The following PAPPA variants were observed in gnomAD, a reference collection of about 807,000 sequenced individuals.
PAPPA encodes the protein pappalysin 1.
A neutral mutation model predicts 164.0 loss-of-function variants in PAPPA; 60 were observed. The ratio of observed to expected loss-of-function variants is 0.37; its 90% CI spans 0.30 to 0.45. The LOEUF (loss-of-function observed/expected upper bound fraction) is 0.45. Ranked by LOEUF, PAPPA falls within the 20% of genes least tolerant of loss-of-function variation. The pLI, the probability that PAPPA is intolerant of heterozygous loss-of-function variation, is 1.00. For synonymous variants in PAPPA, 875 were observed against 814.1 expected (o/e 1.07, Z -1.27); for missense variants, 1,782 against 2,087.3 (o/e 0.85, Z 2.85).
chr9:116,164,802 G>A (rs1036906602), intron 1 of PAPPA, among the ~76,000 whole-genome samples: 1 of 152,176 alleles, frequency 6.6e-6, no homozygotes, highest in Admixed American at 6.5e-5. Flanking sequence ...AAGAGAGAAG[G>A]CTGTGTTAAT....
chr9:116,335,995 T>C (rs1846056532), intron 13 of PAPPA, among the ~76,000 whole-genome samples: 1 of 152,202 alleles, frequency 6.6e-6, no homozygotes, highest in African/African-American at 2.4e-5. Context: ...TTTTGTAAAG[T>C]TCTTAAAGTT....
chr9:116,196,331 C>T (rs1391631353), intron 2 of PAPPA, among the ~76,000 whole-genome samples: 1 of 152,156 alleles, frequency 6.6e-6, no homozygotes, highest in African/African-American at 2.4e-5. Context: ...CAGCAGGAGG[C>T]AGTTGGTTTT....
chr9:116,326,580 T>A (rs527259554), intron 10 of PAPPA, among the ~76,000 whole-genome samples: 1 of 151,752 alleles, frequency 6.6e-6, no homozygotes, highest in South Asian at 2.1e-4. Flanking sequence ...TATTTTTTAT[T>A]GTGGGAAGAG....
chr9:116,353,210 T>C (rs1019114766), intron 16 of PAPPA, among the ~76,000 whole-genome samples: 2 of 152,176 alleles, frequency 1.3e-5, no homozygotes, highest in African/African-American at 4.8e-5. Context: ...ATAATAACAG[T>C]TACCACGTAA....
chr9:116,353,570 G>T (rs2118597756), intron 16 of PAPPA, 52 bp from the exon 17 acceptor site: 2 of 1,535,320 alleles, frequency 1.3e-6, no homozygotes, highest in Non-Finnish European at 8.9e-7. Context: ...GCAGGGCATG[G>T]ATCTAGCCAT....
At chr9:116,362,483 C>A in intron 17 of PAPPA, 109 bp from the exon 18 acceptor site, 1 of 1,216,324 alleles carries the variant, frequency 8.2e-7, no homozygotes, top group Non-Finnish European at 1.2e-6. Flanking sequence ...TTTTGGAACA[C>A]TTCAGAGCTC....
At chr9:116,288,087 C>T (rs967513767) in intron 9 of PAPPA, among the ~76,000 whole-genome samples, 1 of 152,118 alleles carries the variant, frequency 6.6e-6, no homozygotes, top group Non-Finnish European at 1.5e-5. Context: ...GATTTAGGAC[C>T]AGGCCAGGCG....
At position 116,271,082 on chromosome 9, in the gene PAPPA, G is replaced by T. The variant is rs1845129992; in HGVS notation, c.2862-243G>T. ...TAACTGACTTGAGATCTCAGAGAAT[G>T]AGTTGGAATCAGGACTTCTACTTTG... On this transcript the variant is annotated intron_variant, in intron 8 of 21. Coordinates refer to ENST00000328252, the MANE Select transcript of PAPPA (RefSeq NM_002581.5). This position sits in a 1 kb window ranked among gnomAD's most constrained non-coding sequence, Gnocchi z 4.2. Among the ~76,000 whole-genome samples, 1 of 152,182 alleles carries T rather than the reference G, an allele frequency of 6.6e-6. No homozygotes were observed. The highest frequency in any genetic ancestry group is 2.4e-5 in the African/African-American group (1 of 41,438).
At chr9:116,277,436 A>T (rs1304305049) in intron 9 of PAPPA, among the ~76,000 whole-genome samples, 1 of 152,174 alleles carries the variant, frequency 6.6e-6, no homozygotes, top group African/African-American at 2.4e-5. Context: ...GAGTAATGAC[A>T]TAGGGTATCC....
At chr9:116,360,551 T>C (rs1564241028) in intron 17 of PAPPA, among the ~76,000 whole-genome samples, 1 of 152,226 alleles carries the variant, frequency 6.6e-6, no homozygotes, top group Non-Finnish European at 1.5e-5. Context: ...AGGAGTTTAT[T>C]CATTTTCTCA....
intron 1 of PAPPA, among the ~76,000 whole-genome samples, chr9:116,167,889 C>T (rs1330875409): frequency 1.3e-5 from 2 of 152,172 alleles, no homozygotes; most frequent in Non-Finnish European, 2.9e-5. Context: ...CAAATCTGCT[C>T]AGTTTACTGA....
chr9:116,175,902 C>T (rs1766825663), intron 1 of PAPPA, among the ~76,000 whole-genome samples: 1 of 152,170 alleles, frequency 6.6e-6, no homozygotes, highest in Admixed American at 6.5e-5. Context: ...ATTAGGACCT[C>T]AGAAAGACTC....
chr9:116,191,458 T>C (rs1440443481), intron 2 of PAPPA, among the ~76,000 whole-genome samples: 1 of 152,228 alleles, frequency 6.6e-6, no homozygotes, highest in African/African-American at 2.4e-5. Context: ...ACTGCTTCTC[T>C]TCTCTTTAAC....
At chr9:116,225,011 T>A (rs1296558326) in intron 5 of PAPPA, among the ~76,000 whole-genome samples, 2 of 152,238 alleles carry the variant, frequency 1.3e-5, no homozygotes, top group Non-Finnish European at 2.9e-5. Flanking sequence ...TTCAGCTGGA[T>A]GATTATTTGT....
intron 21 of PAPPA, among the ~76,000 whole-genome samples, chr9:116,385,860 A>T (rs1846804176): frequency 6.6e-6 from 1 of 152,248 alleles, no homozygotes; most frequent in Non-Finnish European, 1.5e-5. Context: ...TGAAACGTGT[A>T]GTCTATTAGA....
Position 116,346,519 on chromosome 9 carries a change from A to G in PAPPA, c.3781-507A>G, listed in dbSNP as rs554901972. Among the ~76,000 whole-genome samples the G allele has an allele frequency of 3.3e-5, 5 of 152,278 alleles. No homozygotes were observed. The East Asian group carries it at 9.7e-4, about 29-fold the overall frequency. ...AAAAACATGGAGGTCTCCTATAGCCATGGAGAGTGCCTACTGTGTGCCAAA... is the reference window on the plus strand; with the variant it reads ...AAAAACATGGAGGTCTCCTATAGCCGTGGAGAGTGCCTACTGTGTGCCAAA... On this transcript the variant is annotated intron_variant, in intron 14 of 21. Transcript: ENST00000328252.
chr9:116,323,029 A>G (rs1359409859), intron 10 of PAPPA, among the ~76,000 whole-genome samples: 4 of 152,124 alleles, frequency 2.6e-5, no homozygotes, highest in African/African-American at 9.7e-5. Flanking sequence ...ATCGAAATTC[A>G]ATGGAAACCT....
chr9:116,311,056 CTTTTT>C (rs56043415), intron 10 of PAPPA, among the ~76,000 whole-genome samples: 2 of 120,448 alleles, frequency 1.7e-5, no homozygotes. Context: ...AACATGTGGA[CTTTTT>C]TTTTTTTTTT....
At chr9:116,328,915 G>T (rs975338484) in intron 10 of PAPPA, among the ~76,000 whole-genome samples, 4 of 152,148 alleles carry the variant, frequency 2.6e-5, no homozygotes, top group African/African-American at 9.7e-5. Flanking sequence ...TATCCATATT[G>T]TATTTGCAAC....
Sources: gnomAD v4.1 joint callset for allele counts (sites outside exome capture counted in the v4.1 genomes callset) on GRCh38, gnomAD v4.1.1 for gene constraint, Gnocchi (gnomAD v3.1) non-coding constraint, MANE v1.5 for transcripts, NCBI Gene and HGNC (gene_info 2026-07-23, HGNC 2026-07-21) for gene names.